LMO4: variants seen among roughly 807,000 people sequenced by gnomAD.
LMO4 encodes LIM domain transcription factor LMO4.
LMO4 carries 3 observed loss-of-function variants against 18.5 expected under a neutral mutation model. The observed-to-expected ratio is 0.16, with a 90% CI of 0.07 to 0.42. LMO4 has a LOEUF of 0.42. Ranked by LOEUF, LMO4 falls within the 10% of genes least tolerant of loss-of-function variation. The pLI, the probability that LMO4 is intolerant of heterozygous loss-of-function variation, is 0.99. For synonymous variants in LMO4, 100 were observed against 88.1 expected (o/e 1.14, Z -0.76); for missense variants, 121 against 219.9 (o/e 0.55, Z 2.84).
At position 87,346,843 on chromosome 1, in the gene LMO4, GT is replaced by G. The variant is rs1352402060; in HGVS notation, c.*2049del. The G allele has an allele frequency of 4.6e-5, 7 of 152,200 alleles. No homozygotes were observed. The highest frequency in any genetic ancestry group is 1.7e-4 in the African/African-American group (7 of 41,448). The allele number at this position is 152,200 out of a possible 1,614,324, so 9.4% of individuals were successfully genotyped here. A position where few individuals can be genotyped will look rare whatever the true frequency, so the allele number is the denominator to read the frequency against. ...ATCCTTGGGGAATTTCTTCAAACTA[GT>G]TCTGGTTCTTATATTTGTTTTTTTT... is the stretch of plus-strand genomic sequence containing the variant. On this transcript the variant is annotated 3_prime_UTR_variant, in exon 5 of 5. Coordinates refer to ENST00000370544, the MANE Select transcript of LMO4 (RefSeq NM_006769.4).
At chr1:87,340,262 T>A in intron 4 of LMO4, 60 bp downstream of exon 4, 1 of 1,523,174 alleles carries the variant, frequency 6.6e-7, no homozygotes, top group Non-Finnish European at 9.0e-7. Context: ...TTCAACCTCT[T>A]AACCTAGCAA....
At chr1:87,343,060 G>C (rs888914807) in intron 4 of LMO4, among the ~76,000 whole-genome samples, 2 of 152,104 alleles carry the variant, frequency 1.3e-5, no homozygotes, top group African/African-American at 4.8e-5. Context: ...TATTATGCGT[G>C]GTAAATATAC....
chr1:87,332,307 G>A, intron 2 of LMO4, 56 bp downstream of exon 2: 2 of 1,354,874 alleles, frequency 1.5e-6, no homozygotes, highest in Non-Finnish European at 2.1e-6. Flanking sequence ...CAAGGCCAAA[G>A]GTTAACAGGG....
intron 2 of LMO4, among the ~76,000 whole-genome samples, chr1:87,335,725 C>G (rs563333362): frequency 6.6e-6 from 1 of 152,274 alleles, no homozygotes; most frequent in Non-Finnish European, 1.5e-5. Context: ...AGAATGCTGT[C>G]CCTTTAATTG....
chr1:87,331,061 CCG>C (rs1484318494), intron 1 of LMO4, among the ~76,000 whole-genome samples: 2 of 19,180 alleles, frequency 1.0e-4, no homozygotes, highest in African/African-American at 3.1e-4. Flanking sequence ...GTAACGCCGC[CCG>C]CCCCCCCCCC....
At chr1:87,343,837 G>A (rs1278555677) in intron 4 of LMO4, among the ~76,000 whole-genome samples, 1 of 152,194 alleles carries the variant, frequency 6.6e-6, no homozygotes, top group East Asian at 1.9e-4. Flanking sequence ...ATAGACTACA[G>A]GCTTTTTGTA....
intron 1 of LMO4, among the ~76,000 whole-genome samples, chr1:87,330,278 C>G (rs538444587): frequency 3.1e-4 from 47 of 152,196 alleles, no homozygotes; most frequent in African/African-American, 1.1e-3. Flanking sequence ...CCTCACTCTC[C>G]TTTTAAAAAG....
chr1:87,332,388 A>C (rs543794791), intron 2 of LMO4, 137 bp downstream of exon 2: 38 of 658,980 alleles, frequency 5.8e-5, no homozygotes, highest in Non-Finnish European at 1.9e-5. Flanking sequence ...AGTTGGCGGA[A>C]TTTAAGGGGT....
chr1:87,348,515 T>TA lies in LMO4; in HGVS notation c.*3722dup. On this transcript the variant is annotated 3_prime_UTR_variant, in exon 5 of 5. Transcript: ENST00000370544. The stretch of plus-strand genomic sequence containing the variant: ...GATTGGCAGTGCTCTGAACGCATGT[T>TA]AAACAGCCAGCTACTCCCACTTGCA... 1 of 356,146 alleles carries TA rather than the reference T, an allele frequency of 2.8e-6. No individual in the cohort carries two copies. Among genetic ancestry groups the TA allele is most frequent in the Non-Finnish European group, 5.7e-6 (1 of 176,670 alleles). 22.1% of individuals were successfully genotyped at this position (356,146 alleles called of 1,614,324 possible).
intron 4 of LMO4, among the ~76,000 whole-genome samples, chr1:87,340,995 G>C (rs1021767384): frequency 6.6e-6 from 1 of 152,138 alleles, no homozygotes; most frequent in Non-Finnish European, 1.5e-5. Flanking sequence ...GATAGTTTTA[G>C]ATCTATTTTA....
At chr1:87,343,074 A>G (rs1008730979) in intron 4 of LMO4, among the ~76,000 whole-genome samples, 1 of 152,188 alleles carries the variant, frequency 6.6e-6, no homozygotes, top group African/African-American at 2.4e-5. Flanking sequence ...AATATACTCA[A>G]GGATCCTCTG....
Position 87,344,984 on chromosome 1 carries a change from C to G in LMO4, c.*188C>G. The G allele has an allele frequency of 2.6e-6, 1 of 378,140 alleles. No homozygotes were observed. The highest frequency in any genetic ancestry group is 4.9e-6 in the Non-Finnish European group (1 of 204,996). 23.4% of individuals were successfully genotyped at this position (378,140 alleles called of 1,614,324 possible). On this transcript the variant is annotated 3_prime_UTR_variant, in exon 5 of 5. Transcript: ENST00000370544. Reference sequence around the variant, plus strand: ...GTGTATTAAAATGACTGAATATGAACATTAAGGACTCCATGAACCTGGGCT... The same window carrying G: ...GTGTATTAAAATGACTGAATATGAAGATTAAGGACTCCATGAACCTGGGCT...
At chr1:87,342,135 CA>C (rs1406694397) in intron 4 of LMO4, among the ~76,000 whole-genome samples, 1 of 151,998 alleles carries the variant, frequency 6.6e-6, no homozygotes, top group East Asian at 1.9e-4. Flanking sequence ...AAGTACTATA[CA>C]AAAAAATGAT....
rs570492861 is a variant in LMO4 at position 87,347,528 on chromosome 1, G to A, written c.*2732G>A. ...CATTTGTGATGTTATTAGTTAGCAA[G>A]ATGGACACTGTTCTTTAGAAAGGAC... On this transcript the variant is annotated 3_prime_UTR_variant, in exon 5 of 5. Transcript: ENST00000370544. 6.6e-6 allele frequency: 1 copy of A among 152,236 alleles called. No homozygotes were observed. The allele number at this position is 152,236 out of a possible 1,614,324, so 9.4% of individuals were successfully genotyped here.
At chr1:87,337,077 G>A (rs550441772) in intron 2 of LMO4, among the ~76,000 whole-genome samples, 3 of 152,316 alleles carry the variant, frequency 2.0e-5, no homozygotes, top group South Asian at 2.1e-4. Flanking sequence ...GTATAGACAC[G>A]TAAGTTATTC....
At chr1:87,331,960 T>C in intron 1 of LMO4, 53 bp from the exon 2 acceptor site, 1 of 1,420,562 alleles carries the variant, frequency 7.0e-7, no homozygotes, top group Non-Finnish European at 9.8e-7. Context: ...TACTAACTTT[T>C]GCATCGCCCC....
At chr1:87,333,740 A>T (rs2100775474) in intron 2 of LMO4, among the ~76,000 whole-genome samples, 1 of 152,328 alleles carries the variant, frequency 6.6e-6, no homozygotes, top group Middle Eastern at 3.4e-3. Context: ...TTCTTTTAGA[A>T]GTAAATGTTG....
rs1557617379 is a variant in LMO4 at position 87,344,916 on chromosome 1, A to C, written c.*120A>C. The stretch of plus-strand genomic sequence containing the variant: ...CTAGCACCAGTGCCAGCTCCATGCC[A>C]TTGCACCTTCTTTAGTCTTGATTGC... On this transcript the variant is annotated 3_prime_UTR_variant, in exon 5 of 5. Transcript: ENST00000370544. The C allele has an allele frequency of 3.3e-6, 3 of 917,014 alleles. No individual in the cohort carries two copies. Among genetic ancestry groups the C allele is most frequent in the Non-Finnish European group, 5.3e-6 (3 of 564,164 alleles). 56.8% of individuals were successfully genotyped at this position (917,014 alleles called of 1,614,324 possible). A position where few individuals can be genotyped will look rare whatever the true frequency, so the allele number is the denominator to read the frequency against.
chr1:87,339,670 A>G, intron 3 of LMO4, 38 bp downstream of exon 3: 2 of 1,345,204 alleles, frequency 1.5e-6, no homozygotes, highest in Non-Finnish European at 2.1e-6. Context: ...TAAAAAAAAA[A>G]TCATACCTTT....
Sources: allele counts gnomAD v4.1 joint callset (sites outside exome capture counted in the v4.1 genomes callset), GRCh38; gene constraint gnomAD v4.1.1; transcripts MANE v1.5; gene names NCBI Gene and HGNC (gene_info 2026-07-23, HGNC 2026-07-21).